Variants in KATNIP observed in about 807,000 individuals in gnomAD.
KATNIP encodes the protein katanin interacting protein, also known as katanin-interacting protein.
KATNIP carries 126 observed loss-of-function variants against 174.0 expected under a neutral mutation model. That is an observed-to-expected ratio of 0.72 (90% CI 0.63 to 0.84). The LOEUF is 0.84. Among genes scored for constraint, KATNIP ranks in the 40% least tolerant of loss-of-function variants. The pLI, the probability that KATNIP is intolerant of heterozygous loss-of-function variation, is 0.00. For missense variants in KATNIP, 1,958 were observed against 2,109.7 expected (o/e 0.93, Z 1.41); for synonymous variants, 810 against 835.7 (o/e 0.97, Z 0.53).
At chr16:27,775,815 T>A (rs951569417) in intron 24 of KATNIP, among the ~76,000 whole-genome samples, 2 of 152,148 alleles carry the variant, frequency 1.3e-5, no homozygotes, top group African/African-American at 4.8e-5. Flanking sequence ...GAGTGGGGGA[T>A]CGGGGGCACC....
chr16:27,699,197 T>C (rs1052754410), intron 9 of KATNIP, among the ~76,000 whole-genome samples: 3 of 152,182 alleles, frequency 2.0e-5, no homozygotes, highest in African/African-American at 4.8e-5. Context: ...ACTTCACAGA[T>C]ATGGCCACTG....
intron 2 of KATNIP, among the ~76,000 whole-genome samples, chr16:27,574,652 C>T (rs1002909579): frequency 6.6e-6 from 1 of 150,974 alleles, no homozygotes; most frequent in Non-Finnish European, 1.5e-5. Flanking sequence ...GCAACCTCCG[C>T]CTCCCGGGTT....
At chr16:27,584,983 G>T (rs578243987) in intron 2 of KATNIP, among the ~76,000 whole-genome samples, 8 of 152,220 alleles carry the variant, frequency 5.3e-5, no homozygotes, top group African/African-American at 1.4e-4. Flanking sequence ...TGGCAAAGTG[G>T]CAAGAACATG....
intron 1 of KATNIP, among the ~76,000 whole-genome samples, chr16:27,572,841 G>A (rs985645433): frequency 2.0e-5 from 3 of 152,158 alleles, no homozygotes; most frequent in East Asian, 1.9e-4. Flanking sequence ...GCCTCATTTC[G>A]AAATCCTTTT....
chr16:27,732,469 C>G (rs1447539351), intron 14 of KATNIP, among the ~76,000 whole-genome samples: 1 of 152,222 alleles, frequency 6.6e-6, no homozygotes, highest in Non-Finnish European at 1.5e-5. Context: ...AGCCCTTTCC[C>G]CTGTCCTTGA....
intron 2 of KATNIP, among the ~76,000 whole-genome samples, chr16:27,616,840 A>G (rs955523327): frequency 2.2e-5 from 3 of 133,472 alleles, no homozygotes; most frequent in African/African-American, 8.4e-5. Flanking sequence ...ACTTGAGCCC[A>G]GGAGTTAGAG....
chr16:27,656,952 A>G (rs2077313964), intron 6 of KATNIP, among the ~76,000 whole-genome samples: 1 of 141,450 alleles, frequency 7.1e-6, no homozygotes, highest in Admixed American at 6.8e-5. Context: ...AAAAAATCCT[A>G]AAAAAAAACA....
In KATNIP at chr16:27,725,202, A is replaced by G. The variant is rs909106420; in HGVS notation, c.1743+3507A>G. 3.3e-5 allele frequency among the ~76,000 whole-genome samples: 5 copies of G among 152,230 alleles called. No homozygotes were observed. In the South Asian group the frequency reaches 6.2e-4, roughly 19 times the overall value. On this transcript the variant is annotated intron_variant, in intron 14 of 27. Transcript: ENST00000261588. ...TGGGCACTCAGTAAATATTCAATGC[A>G]TGAATGAATAACTGAACAAATGAAT...
chr16:27,598,392 G>A (rs934914500), intron 2 of KATNIP, among the ~76,000 whole-genome samples: 9 of 152,106 alleles, frequency 5.9e-5, no homozygotes, highest in Non-Finnish European at 1.2e-4. Context: ...GCTTCTTCCC[G>A]GGCAGCTGGT....
chr16:27,608,116 C>A (rs2075767208), intron 2 of KATNIP, among the ~76,000 whole-genome samples: 1 of 152,082 alleles, frequency 6.6e-6, no homozygotes, highest in Non-Finnish European at 1.5e-5. Flanking sequence ...AATACGTGAT[C>A]CTTGAAATAT....
intron 6 of KATNIP, chr16:27,669,144 A>T (rs969308607): frequency 1.2e-5 from 3 of 257,710 alleles, no homozygotes; most frequent in Non-Finnish European, 1.8e-5. Flanking sequence ...CAAAAACTTC[A>T]TGTTTGATGG....
intron 2 of KATNIP, among the ~76,000 whole-genome samples, chr16:27,608,231 T>C (rs1308052287): frequency 7.0e-6 from 1 of 142,512 alleles, no homozygotes; most frequent in Non-Finnish European, 1.5e-5. Context: ...AAATTCTTTT[T>C]TTTTTTTTTT....
chr16:27,643,597 A>AAG (rs2142286474), intron 5 of KATNIP, among the ~76,000 whole-genome samples: 1 of 146,040 alleles, frequency 6.8e-6, no homozygotes, highest in East Asian at 2.0e-4. Context: ...TCTCAAAAAA[A>AAG]AAAAAAAAAA....
At chr16:27,661,485 G>A (rs1158390484) in intron 6 of KATNIP, among the ~76,000 whole-genome samples, 6 of 151,916 alleles carry the variant, frequency 3.9e-5, no homozygotes, top group Non-Finnish European at 7.4e-5. Flanking sequence ...TCCGCCTCCC[G>A]GGTTAATGCG....
chr16:27,698,547 G>A, intron 9 of KATNIP, 47 bp downstream of exon 9: 1 of 1,537,180 alleles, frequency 6.5e-7, no homozygotes, highest in Non-Finnish European at 8.8e-7. Context: ...CCCTGGACTG[G>A]GCAGTGTCTG....
intron 20 of KATNIP, among the ~76,000 whole-genome samples, chr16:27,766,696 T>G (rs2082137563): frequency 6.6e-6 from 1 of 152,214 alleles, no homozygotes. Flanking sequence ...CACAGCACCG[T>G]TTCTCCTGGT....
chr16:27,607,976 G>A (rs2075763091), intron 2 of KATNIP, among the ~76,000 whole-genome samples: 1 of 152,140 alleles, frequency 6.6e-6, no homozygotes, highest in South Asian at 2.1e-4. Context: ...AGTCAGCACG[G>A]TTGGGTATCC....
chr16:27,652,607 G>A (rs1179210063), intron 6 of KATNIP, among the ~76,000 whole-genome samples: 2 of 152,154 alleles, frequency 1.3e-5, no homozygotes, highest in Non-Finnish European at 2.9e-5. Context: ...AAGATCAGGG[G>A]TTCGAGACCA....
intron 19 of KATNIP, among the ~76,000 whole-genome samples, chr16:27,762,130 A>G (rs1359980826): frequency 2.0e-5 from 3 of 152,120 alleles, no homozygotes; most frequent in Non-Finnish European, 2.9e-5. Flanking sequence ...ATTGATCCAC[A>G]TGGACCTGCA....
Sources: allele counts gnomAD v4.1 joint callset (sites outside exome capture counted in the v4.1 genomes callset), GRCh38; gene constraint gnomAD v4.1.1; transcripts MANE v1.5; gene names NCBI Gene and HGNC (gene_info 2026-07-23, HGNC 2026-07-21).